The following PCDH15 variants were observed in gnomAD, a reference collection of about 807,000 sequenced individuals.
The protein encoded by PCDH15 is protocadherin-15.
PCDH15 carries 129 observed loss-of-function variants against 178.5 expected under a neutral mutation model. The ratio of observed to expected loss-of-function variants is 0.72; its 90% confidence interval spans 0.63 to 0.84. The LOEUF is 0.84. Ranked by LOEUF, PCDH15 falls within the 40% of genes least tolerant of loss-of-function variation. PCDH15 has a pLI of 0.00. For missense variants in PCDH15, 2,230 were observed against 2,099.9 expected (o/e 1.06, Z -1.21); for synonymous variants, 800 against 732.0 (o/e 1.09, Z -1.50).
intron 2 of PCDH15, chr10:54,655,128 G>T: frequency 1.3e-5 from 2 of 152,330 alleles, no homozygotes; most frequent in Admixed American, 1.3e-4. Flanking sequence ...GGAGAATGGC[G>T]TGAACCAGGG....
chr10:53,828,532 G>A, intron 31 of PCDH15, 33 bp downstream of exon 31: 1 of 1,523,506 alleles, frequency 6.6e-7, no homozygotes, highest in Non-Finnish European at 9.1e-7. Context: ...CCTATTACAT[G>A]AAAAGGATGT....
At chr10:54,375,339 T>C (rs1948233834) in intron 4 of PCDH15, among the ~76,000 whole-genome samples, 1 of 152,080 alleles carries the variant, frequency 6.6e-6, no homozygotes, top group African/African-American at 2.4e-5. Context: ...TATAAAGGAA[T>C]CTGCTCTGCA....
Position 54,325,537 on chromosome 10 carries a change from C to T in PCDH15, c.705+4059G>A, listed in dbSNP as rs1457116144. Among the ~76,000 whole-genome samples the T allele has an allele frequency of 3.3e-5, 5 of 152,070 alleles. No homozygotes were observed. In the South Asian group the frequency reaches 8.3e-4, roughly 25 times the overall value. ...GCTGAGGTGAGTGAATTGCTTGAGGCCATGAGTTTGAGACCAGCCTGACCA... is the reference window on the plus strand; with the variant it reads ...GCTGAGGTGAGTGAATTGCTTGAGGTCATGAGTTTGAGACCAGCCTGACCA... On this transcript the variant is annotated intron_variant, in intron 7 of 37. Coordinates refer to ENST00000644397, the MANE Select transcript of PCDH15 (RefSeq NM_001384140.1).
rs781154416 is a variant in PCDH15 at position 54,346,478 on chromosome 10, G to C, written c.481C>G (p.Pro161Ala). ...SYYATVNELT[P>A]VGTTIFTGFS... Reference sequence around the variant, plus strand: ...CCTGTGAATATTGTGGTACCAACTGGAGTGAGCTGAAAGGAAAAAAGATTT... The same window carrying C: ...CCTGTGAATATTGTGGTACCAACTGCAGTGAGCTGAAAGGAAAAAAGATTT... The change falls in exon 6 of 38, where the codon CCA (proline) becomes GCA (alanine). Residue 161 changes from proline to alanine, a missense_variant. Coordinates refer to ENST00000644397, the MANE Select transcript of PCDH15 (RefSeq NM_001384140.1). 2 of 1,613,692 alleles carry C rather than the reference G, an allele frequency of 1.2e-6. No individual in the cohort carries two copies. The highest frequency in any genetic ancestry group is 1.7e-6 in the Non-Finnish European group (2 of 1,179,900).
chr10:54,948,129 A>G (rs1838237197), intron 2 of PCDH15, among the ~76,000 whole-genome samples: 1 of 151,956 alleles, frequency 6.6e-6, no homozygotes, highest in Admixed American at 6.6e-5. Context: ...ATACATCGAT[A>G]TTTCTGCAAC....
At chr10:54,776,753 C>A (rs1332188410) in intron 1 of PCDH15, among the ~76,000 whole-genome samples, 2 of 152,032 alleles carry the variant, frequency 1.3e-5, no homozygotes, top group Non-Finnish European at 2.9e-5. Flanking sequence ...GTTTTATGCT[C>A]GGTTTGTTAG....
chr10:54,501,075 A>G (rs567493241), intron 3 of PCDH15, among the ~76,000 whole-genome samples: 14 of 151,850 alleles, frequency 9.2e-5, no homozygotes, highest in Non-Finnish European at 1.0e-4. Flanking sequence ...ACATCACACA[A>G]TGGGGCCTGT....
chr10:54,228,866 A>T (rs938134866), intron 9 of PCDH15, among the ~76,000 whole-genome samples: 1 of 152,204 alleles, frequency 6.6e-6, no homozygotes, highest in Non-Finnish European at 1.5e-5. Context: ...ATGTTTTACC[A>T]GCTCTTTCTA....
intron 2 of PCDH15, among the ~76,000 whole-genome samples, chr10:55,077,643 G>C (rs1243280752): frequency 6.6e-6 from 1 of 151,784 alleles, no homozygotes; most frequent in Non-Finnish European, 1.5e-5. Context: ...TCCACCTCCT[G>C]GGTTCAAGCG....
chr10:55,607,092 T>G (rs1843238240), intron 2 of PCDH15, among the ~76,000 whole-genome samples: 1 of 152,190 alleles, frequency 6.6e-6, no homozygotes, highest in Admixed American at 6.5e-5. Context: ...GCAAAGGATA[T>G]GAACATACAT....
chr10:55,027,994 CA>C (rs138388965), intron 2 of PCDH15, among the ~76,000 whole-genome samples: 1 of 151,694 alleles, frequency 6.6e-6, no homozygotes, highest in African/African-American at 2.4e-5. Flanking sequence ...CATGCAACCA[CA>C]AAAAACTCAA....
chr10:54,721,187 T>C (rs1309881472), intron 1 of PCDH15, among the ~76,000 whole-genome samples: 1 of 151,918 alleles, frequency 6.6e-6, no homozygotes, highest in Non-Finnish European at 1.5e-5. Flanking sequence ...TTTGAAGCAA[T>C]TGAAAATACA....
chr10:55,035,489 A>C lies in PCDH15; in HGVS notation c.-80+131087T>G, dbSNP rs538630809. On this transcript the variant is annotated intron_variant, in intron 2 of 5. Coordinates refer to the PCDH15 transcript ENST00000458638. ...CTGTAAAGACTTCCCTTGAGACCCA[A>C]ATAAATTTGTTGTTCCCTCCAATAT... Among the ~76,000 whole-genome samples the C allele has an allele frequency of 2.0e-5, 3 of 152,262 alleles. No individual in the cohort carries two copies. The South Asian group carries it at 6.2e-4, about 32-fold the overall frequency.
At chr10:54,887,502 T>C in intron 3 of PCDH15, among the ~76,000 whole-genome samples, 1 of 152,090 alleles carries the variant, frequency 6.6e-6, no homozygotes. Context: ...ATCATTCTAT[T>C]GTCAACATCA....
chr10:54,377,902 A>C (rs2134997714), intron 4 of PCDH15, among the ~76,000 whole-genome samples: 1 of 152,136 alleles, frequency 6.6e-6, no homozygotes, highest in East Asian at 1.9e-4. Flanking sequence ...GAAATGAAAC[A>C]TCCAACTACG....
At chr10:53,945,028 C>A (rs1031130217) in intron 23 of PCDH15, among the ~76,000 whole-genome samples, 1 of 152,296 alleles carries the variant, frequency 6.6e-6, no homozygotes, top group African/African-American at 2.4e-5. Flanking sequence ...ATCACCTCAA[C>A]TAAAACTGAA....
chr10:54,540,578 TA>T (rs1379902174), intron 2 of PCDH15, among the ~76,000 whole-genome samples: 1 of 152,084 alleles, frequency 6.6e-6, no homozygotes, highest in Non-Finnish European at 1.5e-5. Flanking sequence ...CTACCAGATG[TA>T]CAAAGAAGAG....
intron 11 of PCDH15, among the ~76,000 whole-genome samples, chr10:54,194,564 T>C (rs1263750170): frequency 6.6e-6 from 1 of 152,010 alleles, no homozygotes; most frequent in Non-Finnish European, 1.5e-5. Context: ...CATATAGTTA[T>C]GCTTATAATC....
Position 54,899,828 on chromosome 10 carries a change from T to C in PCDH15, c.-79-2328A>G, listed in dbSNP as rs547744801. ...TATCTTTCTATTTGTATTACTCTTA[T>C]AACTTTCTAACAAAGGAATGACATA... is the stretch of plus-strand genomic sequence containing the variant. On this transcript the variant is annotated intron_variant, in intron 2 of 5. Transcript: ENST00000458638. Among the ~76,000 whole-genome samples the C allele has an allele frequency of 8.3e-5, 12 of 144,862 alleles. No homozygotes were observed. In the South Asian group the frequency reaches 2.8e-3, roughly 33 times the overall value.
Sources: gnomAD v4.1 joint callset for allele counts (sites outside exome capture counted in the v4.1 genomes callset) on GRCh38, gnomAD v4.1.1 for gene constraint, MANE v1.5 for transcripts, NCBI Gene and HGNC (gene_info 2026-07-23, HGNC 2026-07-21) for gene names.